Variants in PLXDC2 observed in about 807,000 individuals in gnomAD.
PLXDC2 encodes the protein plexin domain-containing protein 2.
PLXDC2 carries 40 observed loss-of-function variants against 68.9 expected under a neutral mutation model. The observed-to-expected ratio is 0.58, with a 90% CI of 0.45 to 0.76. PLXDC2 has a LOEUF of 0.76. PLXDC2 is among the 30% of genes least tolerant of loss of function. The pLI is 0.00. For synonymous variants in PLXDC2, 243 were observed against 234.2 expected (o/e 1.04, Z -0.34); for missense variants, 644 against 661.9 (o/e 0.97, Z 0.30).
chr10:19,847,196 C>A (rs1450877736), intron 1 of PLXDC2, among the ~76,000 whole-genome samples: 1 of 152,176 alleles, frequency 6.6e-6, no homozygotes, highest in African/African-American at 2.4e-5. Flanking sequence ...ACTTGAAGTT[C>A]TTCCTGAAGA....
intron 1 of PLXDC2, among the ~76,000 whole-genome samples, chr10:19,964,616 C>G (rs1834217611): frequency 6.6e-6 from 1 of 152,224 alleles, no homozygotes; most frequent in Non-Finnish European, 1.5e-5. Flanking sequence ...TGCAGTTTCT[C>G]TGGCACAGGA....
chr10:20,128,225 G>A (rs762685183), intron 4 of PLXDC2, among the ~76,000 whole-genome samples: 61 of 152,304 alleles, frequency 4.0e-4, no homozygotes, highest in South Asian at 4.1e-4. Context: ...TTTGGCTGCA[G>A]CATGTGACTC....
intron 1 of PLXDC2, among the ~76,000 whole-genome samples, chr10:19,900,509 G>A (rs1490461175): frequency 6.6e-6 from 1 of 152,108 alleles, no homozygotes; most frequent in African/African-American, 2.4e-5. Flanking sequence ...TATTTCTTCA[G>A]GATGAAGTGT....
chr10:20,142,775 GGT>G (rs1205108600), intron 4 of PLXDC2, among the ~76,000 whole-genome samples: 2 of 151,524 alleles, frequency 1.3e-5, no homozygotes, highest in African/African-American at 4.8e-5. Flanking sequence ...CGTCACCATG[GGT>G]GTTTAGCCCC....
chr10:20,055,449 C>T (rs988424737), intron 3 of PLXDC2, among the ~76,000 whole-genome samples: 2 of 151,994 alleles, frequency 1.3e-5, no homozygotes, highest in Non-Finnish European at 2.9e-5. Context: ...GATAAGTGCT[C>T]ATTTTTCAAA....
At chr10:20,182,418 A>G (rs1834618631) in intron 9 of PLXDC2, among the ~76,000 whole-genome samples, 1 of 151,966 alleles carries the variant, frequency 6.6e-6, no homozygotes, top group Non-Finnish European at 1.5e-5. Flanking sequence ...TCCATACTAT[A>G]CTAGTTCAAA....
intron 12 of PLXDC2, among the ~76,000 whole-genome samples, chr10:20,224,578 A>G (rs1835261825): frequency 6.6e-6 from 1 of 152,202 alleles, no homozygotes; most frequent in Non-Finnish European, 1.5e-5. Context: ...CTGAGAAGAC[A>G]TTTGCAAGTT....
chr10:20,100,521 A>C (rs1216407388), intron 4 of PLXDC2, among the ~76,000 whole-genome samples: 1 of 152,156 alleles, frequency 6.6e-6, no homozygotes, highest in Non-Finnish European at 1.5e-5. Flanking sequence ...CATTTTGTGT[A>C]ATTCAGAAGA....
rs375995805 is a variant in PLXDC2, at chr10:20,063,085, G to T, written c.472-5085G>T. ...TGAGAGTTTCAGGAGACAAATATGT[G>T]CCCCTCAAACGTAATTATTTGAATG... On this transcript the variant is annotated intron_variant, in intron 3 of 13. Coordinates refer to ENST00000377252, the MANE Select transcript of PLXDC2 (RefSeq NM_032812.9). Among the ~76,000 whole-genome samples, 14 of 152,016 alleles carry T rather than the reference G, an allele frequency of 9.2e-5. No individual in the cohort carries two copies. In the East Asian group the frequency reaches 2.7e-3, roughly 29 times the overall value.
chr10:19,928,377 C>T (rs1833574581), intron 1 of PLXDC2, among the ~76,000 whole-genome samples: 1 of 152,296 alleles, frequency 6.6e-6, no homozygotes, highest in Middle Eastern at 3.4e-3. Context: ...TAATGATGGA[C>T]ACAATATACC....
At chr10:20,074,576 A>T (rs1346680075) in intron 4 of PLXDC2, among the ~76,000 whole-genome samples, 1 of 152,072 alleles carries the variant, frequency 6.6e-6, no homozygotes, top group Admixed American at 6.6e-5. Context: ...TTTTATCTTC[A>T]TTAGCTTTTC....
In PLXDC2 at chr10:19,949,160, G is replaced by A. The variant is rs528378056; in HGVS notation, c.113-52615G>A. The stretch of plus-strand genomic sequence containing the variant: ...AAAAAAAAAAAAAGAATAGACATAC[G>A]TTATATATTTACATTTTAAAGCTAT... On this transcript the variant is annotated intron_variant, in intron 1 of 13. Transcript: ENST00000377252. 8.2e-5 allele frequency among the ~76,000 whole-genome samples: 12 copies of A among 145,540 alleles called. No homozygotes were observed. In the South Asian group the frequency reaches 2.4e-3, roughly 29 times the overall value.
intron 12 of PLXDC2, among the ~76,000 whole-genome samples, chr10:20,224,158 G>C (rs1203515393): frequency 6.6e-6 from 1 of 151,760 alleles, no homozygotes; most frequent in African/African-American, 2.4e-5. Flanking sequence ...ATTTTTAGTA[G>C]AAATGGGATT....
At chr10:20,274,845 G>A (rs1448842268) in intron 13 of PLXDC2, among the ~76,000 whole-genome samples, 2 of 147,162 alleles carry the variant, frequency 1.4e-5, no homozygotes, top group Non-Finnish European at 1.5e-5. Flanking sequence ...TAAAATACAT[G>A]ACACTCATGT....
chr10:20,158,545 G>T (rs1448317964), intron 6 of PLXDC2, among the ~76,000 whole-genome samples: 1 of 143,274 alleles, frequency 7.0e-6, no homozygotes, highest in East Asian at 2.0e-4. Flanking sequence ...GAACTAGCAA[G>T]CAAGCTACTC....
chr10:19,950,875 G>T (rs779031744), intron 1 of PLXDC2, among the ~76,000 whole-genome samples: 2 of 152,122 alleles, frequency 1.3e-5, no homozygotes, highest in Non-Finnish European at 2.9e-5. Flanking sequence ...ATTGTTGACA[G>T]AGTTGACAGA....
At chr10:20,129,781 A>G (rs1833843342) in intron 4 of PLXDC2, among the ~76,000 whole-genome samples, 1 of 151,984 alleles carries the variant, frequency 6.6e-6, no homozygotes, top group Non-Finnish European at 1.5e-5. Context: ...CTTTTCAGCC[A>G]TTGTGTTCTT....
At chr10:20,221,633 T>C (rs1835213612) in intron 12 of PLXDC2, among the ~76,000 whole-genome samples, 1 of 152,214 alleles carries the variant, frequency 6.6e-6, no homozygotes, top group Non-Finnish European at 1.5e-5. Context: ...GTGCTATTGT[T>C]TTTTATTTTA....
At position 20,284,755 on chromosome 10, in the gene PLXDC2, G is replaced by A. The variant is rs547582652; in HGVS notation, c.*4936G>A. On this transcript the variant is annotated 3_prime_UTR_variant, in exon 14 of 14. Transcript: ENST00000377252. ...TCATTGCCTTCATCTCTTAATTGTC[G>A]GCACTTAAGGCCAACCAAGCAGCTT... 5 of 151,974 alleles carry A rather than the reference G, an allele frequency of 3.3e-5. No individual in the cohort carries two copies. The highest frequency in any genetic ancestry group is 2.1e-4 in the South Asian group (1 of 4,812). The allele number at this position is 151,974 out of a possible 1,614,324, so 9.4% of individuals were successfully genotyped here.
Sources: allele counts gnomAD v4.1 joint callset (sites outside exome capture counted in the v4.1 genomes callset), GRCh38; gene constraint gnomAD v4.1.1; transcripts MANE v1.5; gene names NCBI Gene and HGNC (gene_info 2026-07-23, HGNC 2026-07-21).